Variants in SH3RF2 observed in about 807,000 individuals in gnomAD.
SH3RF2 encodes the protein E3 ubiquitin-protein ligase SH3RF2.
A neutral mutation model predicts 59.0 loss-of-function variants in SH3RF2; 43 were observed. The observed-to-expected ratio is 0.73, with a 90% CI of 0.57 to 0.94. The LOEUF (loss-of-function observed/expected upper bound fraction) is 0.94. Ranked by LOEUF, SH3RF2 falls within the 40% of genes least tolerant of loss-of-function variation. The probability of loss-of-function intolerance (pLI) is 0.00; values close to 1 mark genes in which losing one functional copy is unlikely to be tolerated. For synonymous variants in SH3RF2, 391 were observed against 391.5 expected (o/e 1.00, Z 0.01); for missense variants, 930 against 940.1 (o/e 0.99, Z 0.14).
chr5:145,967,270 A>T (rs1401456453), intron 2 of SH3RF2, among the ~76,000 whole-genome samples: 2 of 152,192 alleles, frequency 1.3e-5, no homozygotes, highest in East Asian at 3.9e-4. Context: ...TCTAGATATC[A>T]AGCGACTCCT....
chr5:145,971,624 G>T (rs542936071), intron 2 of SH3RF2, among the ~76,000 whole-genome samples: 1 of 152,258 alleles, frequency 6.6e-6, no homozygotes, highest in African/African-American at 2.4e-5. Flanking sequence ...TATAAAGCAT[G>T]CAGGCCAAGG....
intron 2 of SH3RF2, among the ~76,000 whole-genome samples, chr5:145,995,431 G>A (rs1293032144): frequency 6.6e-6 from 1 of 152,064 alleles, no homozygotes; most frequent in Non-Finnish European, 1.5e-5. Flanking sequence ...AACAGATTTG[G>A]GTCATTCCCC....
chr5:146,010,027 A>C (rs1425547812), intron 4 of SH3RF2, among the ~76,000 whole-genome samples: 63 of 135,400 alleles, frequency 4.7e-4, no homozygotes, highest in African/African-American at 7.6e-4. Flanking sequence ...ATCCCTCCCC[A>C]CTCCCCCCAC....
At chr5:146,041,254 G>A (rs1762116126) in intron 5 of SH3RF2, among the ~76,000 whole-genome samples, 1 of 152,202 alleles carries the variant, frequency 6.6e-6, no homozygotes. Context: ...AGCCCTTGGA[G>A]GTCCAGGCAA....
At chr5:146,064,586 GGAGAGAGAGAGAGA>G (rs70998047), downstream of SH3RF2, among the ~76,000 whole-genome samples, 6 of 41,408 alleles carry the variant, frequency 1.4e-4, no homozygotes, top group Non-Finnish European at 1.6e-4. Flanking sequence ...GAAGGAAGGG[GGAGAGAGAGAGAGA>G]GAGAGAGAGA....
intron 2 of SH3RF2, among the ~76,000 whole-genome samples, chr5:145,962,200 C>T (rs1005331152): frequency 6.6e-6 from 1 of 152,080 alleles, no homozygotes; most frequent in Admixed American, 6.5e-5. Context: ...ATGTGGCCAC[C>T]CCTAAAGCCA....
chr5:146,025,411 G>C (rs1315340466), intron 5 of SH3RF2, among the ~76,000 whole-genome samples: 1 of 152,214 alleles, frequency 6.6e-6, no homozygotes, highest in African/African-American at 2.4e-5. Context: ...GGCCTCCTTG[G>C]CCCACATGTT....
intron 2 of SH3RF2, among the ~76,000 whole-genome samples, chr5:145,965,572 CAG>C (rs1758827327): frequency 6.6e-6 from 1 of 152,114 alleles, no homozygotes. Flanking sequence ...GCCTTTTGCA[CAG>C]AGAGTATTAG....
intron 5 of SH3RF2, among the ~76,000 whole-genome samples, chr5:146,018,875 G>T (rs1761206924): frequency 8.7e-6 from 1 of 114,790 alleles, no homozygotes; most frequent in South Asian, 3.9e-4. Flanking sequence ...GCATTTCCCT[G>T]ATAATTAGTG....
chr5:146,039,899 C>A (rs115322029), intron 5 of SH3RF2, among the ~76,000 whole-genome samples: 158 of 152,286 alleles, frequency 1.0e-3, no homozygotes, highest in African/African-American at 3.8e-3. Context: ...AGACACAGAA[C>A]GAAATGTAAG....
chr5:145,944,544 T>C (rs1440015123), intron 2 of SH3RF2, among the ~76,000 whole-genome samples: 2 of 152,130 alleles, frequency 1.3e-5, no homozygotes, highest in Non-Finnish European at 2.9e-5. Context: ...TATTCATGCT[T>C]GTACTTTAGA....
At position 146,062,889 on chromosome 5, in the gene SH3RF2, C is replaced by T. The variant is rs1191770450; in HGVS notation, c.*188C>T. 3 of 714,164 alleles carry T rather than the reference C, an allele frequency of 4.2e-6. No individual in the cohort carries two copies. The highest frequency in any genetic ancestry group is 6.8e-6 in the Non-Finnish European group (3 of 444,216). The allele number at this position is 714,164 out of a possible 1,614,324, so 44.2% of individuals were successfully genotyped here. A position where few individuals can be genotyped will look rare whatever the true frequency, so the allele number is the denominator to read the frequency against. Reference sequence around the variant, plus strand: ...CTGGGTGGGAGGATAGATGGCGTGGCCTTCCAAACATACAAACATAATGAT... The same window carrying T: ...CTGGGTGGGAGGATAGATGGCGTGGTCTTCCAAACATACAAACATAATGAT... On this transcript the variant is annotated 3_prime_UTR_variant, in exon 10 of 10. Coordinates refer to ENST00000359120, the MANE Select transcript of SH3RF2 (RefSeq NM_152550.4).
At chr5:146,009,287 G>T (rs1244018488) in intron 4 of SH3RF2, among the ~76,000 whole-genome samples, 5 of 152,064 alleles carry the variant, frequency 3.3e-5, no homozygotes, top group African/African-American at 4.8e-5. Flanking sequence ...CCTATTATAT[G>T]TAGAATAAAA....
intron 6 of SH3RF2, 133 bp from the exon 7 acceptor site, chr5:146,048,942 C>T: frequency 9.7e-7 from 1 of 1,033,490 alleles, no homozygotes; most frequent in Non-Finnish European, 1.4e-6. Flanking sequence ...GAGGTGAGAA[C>T]CACCGCACCC....
At chr5:146,041,758 C>G (rs1232902669) in intron 5 of SH3RF2, among the ~76,000 whole-genome samples, 1 of 152,016 alleles carries the variant, frequency 6.6e-6, no homozygotes, top group East Asian at 1.9e-4. Flanking sequence ...GGTGGAACCC[C>G]ATTTCTACAA....
chr5:146,018,291 AC>A (rs1199688681), intron 5 of SH3RF2, among the ~76,000 whole-genome samples: 1 of 151,330 alleles, frequency 6.6e-6, no homozygotes, highest in African/African-American at 2.4e-5. Context: ...CCATTATACC[AC>A]TCTGTATGCC....
chr5:146,072,720 C>CT (rs1561776944), intron 9 of SH3RF2, among the ~76,000 whole-genome samples: 2 of 152,014 alleles, frequency 1.3e-5, no homozygotes, highest in South Asian at 2.1e-4. Context: ...TAGTTGTTGA[C>CT]TAAATGCAGG....
Position 146,047,874 on chromosome 5 carries a change from G to C in SH3RF2, c.1151+11G>C. On this transcript the variant is annotated intron_variant, in intron 6 of 9. Transcript: ENST00000359120. Reference sequence around the variant, plus strand: ...CCTCTCAGCGAACATGTGAGTAAAAGGCTCATCCCTTCACCCAAGTCCTGG... The same window carrying C: ...CCTCTCAGCGAACATGTGAGTAAAACGCTCATCCCTTCACCCAAGTCCTGG... The C allele has an allele frequency of 6.2e-7, 1 of 1,613,376 alleles. No individual in the cohort carries two copies. The highest frequency in any genetic ancestry group is 8.5e-7 in the Non-Finnish European group (1 of 1,179,644).
intron 2 of SH3RF2, among the ~76,000 whole-genome samples, chr5:145,964,783 A>G (rs998515521): frequency 6.6e-6 from 1 of 152,186 alleles, no homozygotes; most frequent in Non-Finnish European, 1.5e-5. Flanking sequence ...TTTGGTGCTC[A>G]CAAAGCACGC....
Sources: allele counts gnomAD v4.1 joint callset (sites outside exome capture counted in the v4.1 genomes callset), GRCh38; gene constraint gnomAD v4.1.1; transcripts MANE v1.5; gene names NCBI Gene and HGNC (gene_info 2026-07-23, HGNC 2026-07-21).